NOTCH3: variants seen among roughly 807,000 people sequenced by gnomAD.
NOTCH3 encodes the protein neurogenic locus notch homolog protein 3.
NOTCH3 carries 86 observed loss-of-function variants against 213.3 expected under a neutral mutation model. The ratio of observed to expected loss-of-function variants is 0.40; its 90% CI spans 0.34 to 0.48. NOTCH3 has a LOEUF of 0.48. Ranked by LOEUF, NOTCH3 falls within the 20% of genes least tolerant of loss-of-function variation. NOTCH3 has a pLI of 0.57. For synonymous variants in NOTCH3, 1,354 were observed against 1,355.9 expected, an observed-to-expected ratio of 1.00 and a Z score of 0.03; for missense variants, 2,783 against 3,272.6, an observed-to-expected ratio of 0.85 and a Z score of 3.65.
At chr19:15,177,261 A>AAT (rs1555727295) in intron 24 of NOTCH3, among the ~76,000 whole-genome samples, 1 of 151,748 alleles carries the variant, frequency 6.6e-6, no homozygotes, top group African/African-American at 2.4e-5. Context: ...GAAAAAAAAA[A>AAT]AAAAGTAATT....
rs370274356 is a variant in NOTCH3, at chr19:15,167,325, C to G, written c.5286G>C (p.Val1762=). 1 of 1,613,366 alleles carries G rather than the reference C, an allele frequency of 6.2e-7. No homozygotes were observed. Among genetic ancestry groups the G allele is most frequent in the South Asian group, 1.1e-5 (1 of 91,084 alleles). The stretch of plus-strand genomic sequence containing the variant: ...GTGGTGTCAGTGCCATGGCTGGTGC[C>G]ACGCGGATGTCAGCAGCAACCAGAT... ...QHHLVAADIR[V]APAMALTPPQ... Residue 1762 remains valine, a synonymous_variant, in exon 29 of 33, where the codon GTG becomes GTC. Coordinates refer to ENST00000263388, the MANE Select transcript of NOTCH3 (RefSeq NM_000435.3).
rs754875491 is a variant in NOTCH3, at chr19:15,170,437, C to G, written c.5008G>C (p.Glu1670Gln). The G allele has an allele frequency of 6.2e-7, 1 of 1,611,672 alleles. No homozygotes were observed. The highest frequency in any genetic ancestry group is 8.5e-7 in the Non-Finnish European group (1 of 1,180,002). Reference sequence around the variant, plus strand: ...TCAGGGAACCAGAGGGTGCTGTGCTCGCGCTTGCGCCGGGCCACCATGACA... The same window carrying G: ...TCAGGGAACCAGAGGGTGCTGTGCTGGCGCTTGCGCCGGGCCACCATGACA... ...LGVMVARRKR[E>Q]HSTLWFPEGF... The change falls in exon 27 of 33, where the codon GAG becomes CAG. Residue 1670 changes from glutamate (E) to glutamine (Q), a missense_variant. Coordinates refer to ENST00000263388, the MANE Select transcript of NOTCH3 (RefSeq NM_000435.3).
chr19:15,173,140 G>C (rs1355217520), intron 25 of NOTCH3, among the ~76,000 whole-genome samples: 1 of 127,454 alleles, frequency 7.8e-6, no homozygotes, highest in Non-Finnish European at 1.6e-5. Flanking sequence ...AGAGATCGGA[G>C]GCCGGGCATG....
Position 15,161,399 on chromosome 19 carries a change from GC to G in NOTCH3, c.6228del (p.Arg2078GlyfsTer7). ...PPGKAGLGPQ[G>X]PRGRGKKLTL... ...GTCAGCTTCTTGCCCCGCCCCCGGG[GC>G]CCCTGCGGCCCCAGCCCCGCCTTCC... On this transcript the variant is annotated frameshift_variant, in exon 33 of 33. Transcript: ENST00000263388. LOFTEE classifies it low-confidence loss of function (END_TRUNC). 1 of 1,522,186 alleles carries G rather than the reference GC, an allele frequency of 6.6e-7. No homozygotes were observed. Among genetic ancestry groups the G allele is most frequent in the Non-Finnish European group, 8.8e-7 (1 of 1,135,666 alleles). 94.3% of individuals were successfully genotyped at this position (1,522,186 alleles called of 1,614,324 possible).
In NOTCH3 at chr19:15,181,092, T is replaced by A. The variant is rs770228745; in HGVS notation, c.2863A>T (p.Thr955Ser). 1 of 1,609,684 alleles carries A rather than the reference T, an allele frequency of 6.2e-7. No homozygotes were observed. Among genetic ancestry groups the A allele is most frequent in the Non-Finnish European group, 8.5e-7 (1 of 1,178,732 alleles). Residue 955 changes from threonine to serine, a missense_variant, in exon 18 of 33, where the codon ACA becomes TCA. Physicochemically the swap from Thr to Ser is moderately conservative, Grantham distance 58. Around this residue, in one of 6 missense-constraint regions of NOTCH3, gnomAD observed 861 missense variants for 909.1 expected, o/e 0.95. Transcript: ENST00000263388. ...GCCTCATGTTGGCAGTGGGCTCCTG[T>A]GTAGCCGGGACGGCACAGGCAGCTG... The part of the protein sequence containing the change: ...SFSCLCRPGY[T>S]GAHCQHEADP...
intron 28 of NOTCH3, among the ~76,000 whole-genome samples, 199 bp from the exon 29 acceptor site, chr19:15,167,610 G>A (rs563206504): frequency 2.6e-5 from 4 of 152,332 alleles, no homozygotes; most frequent in African/African-American, 9.6e-5. Flanking sequence ...CTGGAGTGCA[G>A]TGGCATGATC....
At position 15,165,445 on chromosome 19, in the gene NOTCH3, G is replaced by A. The variant is rs759704420; in HGVS notation, c.5738C>T (p.Ala1913Val). Residue 1913 changes from alanine to valine, a missense_variant, in exon 31 of 33, where the codon GCG (alanine) becomes GTG (valine). Ala to Val is a moderately conservative substitution (Grantham distance 64). Transcript: ENST00000263388. The surrounding 1 kb of genome is among the most constrained non-coding windows in gnomAD (Gnocchi z 4.7). ...MADGSTALILAARLAVEGMVE... is the reference protein window; with the variant it reads ...MADGSTALILVARLAVEGMVE... ...CATGCCCTCTACTGCCAGGCGGGCCGCCAGGATCAGTGCCGTTGAGCCATC... is the reference window on the plus strand; with the variant it reads ...CATGCCCTCTACTGCCAGGCGGGCCACCAGGATCAGTGCCGTTGAGCCATC... 2.0e-5 allele frequency: 32 copies of A among 1,612,272 alleles called. No homozygotes were observed. Among genetic ancestry groups the A allele is most frequent in the East Asian group, 4.5e-5 (2 of 44,894 alleles).
At chr19:15,174,700 A>G (rs1373830562) in intron 24 of NOTCH3, among the ~76,000 whole-genome samples, 2 of 151,958 alleles carry the variant, frequency 1.3e-5, no homozygotes, top group Non-Finnish European at 2.9e-5. Context: ...CAGCCTCCCA[A>G]GTAGCTGGGA....
At chr19:15,166,797 C>A (rs1395209060) in intron 29 of NOTCH3, among the ~76,000 whole-genome samples, 1 of 152,140 alleles carries the variant, frequency 6.6e-6, no homozygotes, top group Non-Finnish European at 1.5e-5. Context: ...GACTGACCTC[C>A]CCGCTCCACC....
rs564221929 is a variant in NOTCH3 at position 15,160,373 on chromosome 19, CAGA to C, written c.*286_*288del. The C allele has an allele frequency of 5.0e-4, 224 of 450,582 alleles. 6 individuals are homozygous for C. The South Asian group carries it at 7.8e-3, about 16-fold the overall frequency. 27.9% of individuals were successfully genotyped at this position (450,582 alleles called of 1,614,324 possible). On this transcript the variant is annotated 3_prime_UTR_variant, in exon 33 of 33. Coordinates refer to ENST00000263388, the MANE Select transcript of NOTCH3 (RefSeq NM_000435.3). ...GTCAGAGTGTAAGGAAATGAGAGGC[CAGA>C]AGGAGAGAGAAAGGAATGAGGGAAG...
In NOTCH3 at chr19:15,160,743, A is replaced by T; in HGVS notation, c.6885T>A (p.Ser2295=). The T allele has an allele frequency of 1.2e-6, 2 of 1,614,222 alleles. No individual in the cohort carries two copies. Among genetic ancestry groups the T allele is most frequent in the Non-Finnish European group, 1.7e-6 (2 of 1,180,032 alleles). The part of the protein sequence containing the change: ...GALPAQPLPL[S]VPSSLAQAQT... Reference sequence around the variant, plus strand: ...GGGCCTGAGCAAGGGAGCTGGGAACAGACAAGGGAAGTGGCTGGGCAGGCA... The same window carrying T: ...GGGCCTGAGCAAGGGAGCTGGGAACTGACAAGGGAAGTGGCTGGGCAGGCA... The change falls in exon 33 of 33, where the codon TCT becomes TCA. Residue 2295 remains serine (S), a synonymous_variant. Transcript: ENST00000263388.
chr19:15,178,860 G>A lies in NOTCH3; in HGVS notation c.3800C>T (p.Pro1267Leu). The A allele has an allele frequency of 6.2e-7, 1 of 1,605,946 alleles. No homozygotes were observed. The highest frequency in any genetic ancestry group is 8.5e-7 in the Non-Finnish European group (1 of 1,176,324). ...ACAGGTGAAGGTCAGCCCACCCCCA[G>A]GACCCGGGCTAGGACGGCACTGGCC... ...HGGQCRPSPG[P>L]GGGLTFTCHC... Residue 1267 changes from proline (P) to leucine (L), a missense_variant, in exon 23 of 33, where the codon CCT becomes CTT. This residue lies in a region of NOTCH3 where 861 missense variants were observed against 909.1 expected (regional missense o/e 0.95). Transcript: ENST00000263388.
intron 31 of NOTCH3, among the ~76,000 whole-genome samples, chr19:15,163,110 G>T (rs2046659587): frequency 6.6e-6 from 1 of 152,078 alleles, no homozygotes; most frequent in Non-Finnish European, 1.5e-5. Flanking sequence ...CCACTATGTT[G>T]CCCAAACTGG....
chr19:15,161,356 G>C lies in NOTCH3; in HGVS notation c.6272C>G (p.Pro2091Arg). The C allele has an allele frequency of 1.3e-6, 2 of 1,525,342 alleles. No individual in the cohort carries two copies. The highest frequency in any genetic ancestry group is 1.8e-6 in the Non-Finnish European group (2 of 1,137,944). 94.5% of individuals were successfully genotyped at this position (1,525,342 alleles called of 1,614,324 possible). Residue 2091 changes from proline (P) to arginine (R), a missense_variant, in exon 33 of 33, where the codon CCC becomes CGC. By Grantham distance (103) the Pro-to-Arg change is moderately radical (BLOSUM62 -2). Around this residue, in one of 6 missense-constraint regions of NOTCH3, gnomAD observed 441 missense variants for 432.1 expected, o/e 1.02. Transcript: ENST00000263388. Reference sequence around the variant, plus strand: ...CAGCGTGACCGAGCTGTCAGCCAGGGGGCCCGGGCAGGCCAGCGTCAGCTT... The same window carrying C: ...CAGCGTGACCGAGCTGTCAGCCAGGCGGCCCGGGCAGGCCAGCGTCAGCTT... ...GKKLTLACPG[P>R]LADSSVTLSP... is the part of the protein sequence containing the mutation.
At position 15,178,083 on chromosome 19, in the gene NOTCH3, C is replaced by G; in HGVS notation, c.3845G>C (p.Trp1282Ser). Residue 1282 changes from tryptophan to serine, a missense_variant, in exon 24 of 33, where the codon TGG becomes TCG. By Grantham distance (177) the Trp-to-Ser change is radical (BLOSUM62 -3). Around this residue, in one of 6 missense-constraint regions of NOTCH3, gnomAD observed 861 missense variants for 909.1 expected, o/e 0.95. Coordinates refer to ENST00000263388, the MANE Select transcript of NOTCH3 (RefSeq NM_000435.3). ...CGCCACCCGCTCGCAACGCGGACCCCAGAACGGCTGGGGGTCGGGTTTGGG... is the reference window on the plus strand; with the variant it reads ...CGCCACCCGCTCGCAACGCGGACCCGAGAACGGCTGGGGGTCGGGTTTGGG... ...TFTCHCAQPFWGPRCERVARS... is the reference protein window; with the variant it reads ...TFTCHCAQPFSGPRCERVARS... 1 of 1,517,942 alleles carries G rather than the reference C, an allele frequency of 6.6e-7. No homozygotes were observed. The highest frequency in any genetic ancestry group is 8.8e-7 in the Non-Finnish European group (1 of 1,138,078). The allele number at this position is 1,517,942 out of a possible 1,614,324, so 94.0% of individuals were successfully genotyped here. A position where few individuals can be genotyped will look rare whatever the true frequency, so the allele number is the denominator to read the frequency against.
At chr19:15,197,325 C>A (rs1208568933) in intron 2 of NOTCH3, among the ~76,000 whole-genome samples, 175 bp downstream of exon 2, 2 of 152,158 alleles carry the variant, frequency 1.3e-5, no homozygotes, top group Non-Finnish European at 2.9e-5. Flanking sequence ...AAGAAGAGTG[C>A]AGAGCCCCTG....
At chr19:15,200,272 T>C (rs1217296471) in intron 1 of NOTCH3, among the ~76,000 whole-genome samples, 1 of 150,956 alleles carries the variant, frequency 6.6e-6, no homozygotes, top group Non-Finnish European at 1.5e-5. Flanking sequence ...CTCCGGGTCT[T>C]GCTGCGCGCC....
chr19:15,190,834 G>C (rs190840540), intron 6 of NOTCH3, among the ~76,000 whole-genome samples: 1 of 152,046 alleles, frequency 6.6e-6, no homozygotes, highest in Non-Finnish European at 1.5e-5. Context: ...CAATCTACCC[G>C]CCTGGGCCTC....
chr19:15,185,865 C>T lies in NOTCH3; in HGVS notation c.1952-186G>A, dbSNP rs1441933950. 6.6e-6 allele frequency among the ~76,000 whole-genome samples: 1 copy of T among 152,166 alleles called. No individual in the cohort carries two copies. Among genetic ancestry groups the T allele is most frequent in the East Asian group, 1.9e-4 (1 of 5,194 alleles). On this transcript the variant is annotated intron_variant, in intron 12 of 32. Coordinates refer to ENST00000263388, the MANE Select transcript of NOTCH3 (RefSeq NM_000435.3). The surrounding 1 kb of genome is among the most constrained non-coding windows in gnomAD (Gnocchi z 4.2). ...AAGAGCTGACTTGCCCCAGATCATT[C>T]TGGTCCCCAAACTTCCATGAAGTCC...
Sources: allele counts gnomAD v4.1 joint callset (sites outside exome capture counted in the v4.1 genomes callset), GRCh38; gene constraint gnomAD v4.1.1; regional missense constraint gnomAD v4.1.1; non-coding constraint Gnocchi (gnomAD v3.1); transcripts MANE v1.5; gene names NCBI Gene and HGNC (gene_info 2026-07-23, HGNC 2026-07-21).